The following MYT1L variants were observed in gnomAD, a reference collection of about 807,000 sequenced individuals.
The protein encoded by MYT1L is myelin transcription factor 1-like protein.
MYT1L carries 12 observed loss-of-function variants against 126.7 expected under a neutral mutation model. The observed-to-expected ratio is 0.09, with a 90% CI of 0.06 to 0.15. The LOEUF is 0.15. MYT1L is among the 10% of genes least tolerant of loss of function. MYT1L has a pLI of 1.00. For synonymous variants in MYT1L, 541 were observed against 604.2 expected (o/e 0.90, Z 1.53); for missense variants, 979 against 1,585.2 (o/e 0.62, Z 6.49).
At chr2:2,238,969 G>T (rs1281939518) in intron 2 of MYT1L, among the ~76,000 whole-genome samples, 3 of 152,218 alleles carry the variant, frequency 2.0e-5, no homozygotes, top group Non-Finnish European at 4.4e-5. Flanking sequence ...GTGAGAACTG[G>T]TTAAGTGTCA....
intron 2 of MYT1L, among the ~76,000 whole-genome samples, chr2:2,213,262 GA>G (rs1292583100): frequency 4.6e-5 from 7 of 152,176 alleles, no homozygotes; most frequent in African/African-American, 1.7e-4. Flanking sequence ...TGAGTTTCTG[GA>G]ATGTGTTGCC....
rs1007187288 is a variant in MYT1L at position 2,224,836 on chromosome 2, A to T, written c.-420-51848T>A. Among the ~76,000 whole-genome samples, 1 of 144,856 alleles carries T rather than the reference A, an allele frequency of 6.9e-6. No homozygotes were observed. ...TCCGTCTCAAAAGAAAAAAAAAAAA[A>T]GGAAAATAAATGTTTCAAATCCTTG... On this transcript the variant is annotated intron_variant, in intron 2 of 24. Transcript: ENST00000647738. The surrounding 1 kb of genome is among the most constrained non-coding windows in gnomAD (Gnocchi z 4.0).
chr2:2,176,608 C>T (rs1253507296), intron 2 of MYT1L, among the ~76,000 whole-genome samples: 1 of 151,854 alleles, frequency 6.6e-6, no homozygotes, highest in East Asian at 1.9e-4. Flanking sequence ...AAGTGATTCT[C>T]CTGCTTCAAC....
At chr2:2,125,010 T>C (rs1209403079) in intron 3 of MYT1L, among the ~76,000 whole-genome samples, 3 of 152,230 alleles carry the variant, frequency 2.0e-5, no homozygotes, top group Non-Finnish European at 4.4e-5. Flanking sequence ...CCTTTATCCA[T>C]AGTTAGTTGA....
intron 3 of MYT1L, among the ~76,000 whole-genome samples, chr2:2,154,320 C>T (rs1160404597): frequency 6.6e-6 from 1 of 152,116 alleles, no homozygotes; most frequent in East Asian, 1.9e-4. Context: ...AACTCAATAG[C>T]TAGGAAACTT....
intron 3 of MYT1L, among the ~76,000 whole-genome samples, chr2:2,118,080 T>C (rs1405678229): frequency 6.7e-6 from 1 of 149,710 alleles, no homozygotes; most frequent in Non-Finnish European, 1.5e-5. Context: ...TTCAATAACA[T>C]TTTTATATTA....
intron 3 of MYT1L, among the ~76,000 whole-genome samples, chr2:2,077,777 A>G (rs2075379369): frequency 6.6e-6 from 1 of 152,196 alleles, no homozygotes; most frequent in Non-Finnish European, 1.5e-5. Flanking sequence ...AAAAACAGAG[A>G]ATTTATTGCT....
At chr2:2,203,484 A>G (rs892308622) in intron 2 of MYT1L, among the ~76,000 whole-genome samples, 38 of 151,712 alleles carry the variant, frequency 2.5e-4, no homozygotes, top group African/African-American at 9.2e-4. Context: ...AAACAGAGCC[A>G]AATCATGAGT....
rs2053800979 is a variant in MYT1L, at chr2:1,923,282, A to C, written c.506-19T>G. ...TGGTCTTCTGCAAAGAAAATAAAAAAGACAAAAAAGAAAAGAAAAGGAAAA... is the reference window on the plus strand; with the variant it reads ...TGGTCTTCTGCAAAGAAAATAAAAACGACAAAAAAGAAAAGAAAAGGAAAA... On this transcript the variant is annotated intron_variant, in intron 9 of 24. Coordinates refer to ENST00000647738, the MANE Select transcript of MYT1L (RefSeq NM_001303052.2). The C allele has an allele frequency of 6.5e-7, 1 of 1,541,042 alleles. No individual in the cohort carries two copies.
At chr2:2,129,988 G>T (rs1413931238) in intron 3 of MYT1L, among the ~76,000 whole-genome samples, 1 of 151,682 alleles carries the variant, frequency 6.6e-6, no homozygotes, top group Non-Finnish European at 1.5e-5. Context: ...GACCAGATTT[G>T]ACTACATAAA....
rs1348666652 is a variant in MYT1L, at chr2:1,801,937, A to C, written c.3173-138T>G. ...ATAGACTCTTGAATTAGAAAGGAAA[A>C]AATCATCACAATCTCTGTGTCTTTC... On this transcript the variant is annotated intron_variant, in intron 22 of 24. Coordinates refer to ENST00000647738, the MANE Select transcript of MYT1L (RefSeq NM_001303052.2). The surrounding 1 kb of genome is among the most constrained non-coding windows in gnomAD (Gnocchi z 4.2). The C allele has an allele frequency of 6.8e-6, 4 of 584,346 alleles. No individual in the cohort carries two copies. The highest frequency in any genetic ancestry group is 3.4e-5 in the Admixed American group (1 of 29,754). 36.2% of individuals were successfully genotyped at this position (584,346 alleles called of 1,614,324 possible).
At chr2:1,872,418 G>A (rs1296127994) in intron 18 of MYT1L, among the ~76,000 whole-genome samples, 1 of 152,216 alleles carries the variant, frequency 6.6e-6, no homozygotes, top group Non-Finnish European at 1.5e-5. Context: ...AAGTGGTGAG[G>A]ACAGGGAGAA....
At chr2:1,945,432 A>G in intron 8 of MYT1L, among the ~76,000 whole-genome samples, 1 of 152,110 alleles carries the variant, frequency 6.6e-6, no homozygotes, top group Non-Finnish European at 1.5e-5. Context: ...CAGGAGGACC[A>G]AGGGCCGTGA....
intron 2 of MYT1L, among the ~76,000 whole-genome samples, chr2:2,255,754 T>C (rs2094792325): frequency 6.6e-6 from 1 of 152,148 alleles, no homozygotes; most frequent in African/African-American, 2.4e-5. Flanking sequence ...ATGACCATAT[T>C]AGACTGGCTG....
chr2:1,843,439 G>C (rs927363921), intron 19 of MYT1L, among the ~76,000 whole-genome samples: 2 of 151,864 alleles, frequency 1.3e-5, no homozygotes, highest in Non-Finnish European at 2.9e-5. Context: ...ATCCTACCCA[G>C]GGAGAATTAC....
At chr2:2,299,221 A>G (rs539672218) in intron 1 of MYT1L, among the ~76,000 whole-genome samples, 6 of 152,258 alleles carry the variant, frequency 3.9e-5, no homozygotes, top group Admixed American at 3.9e-4. Flanking sequence ...CTCTCCAGGG[A>G]CTTGGCACTA....
At chr2:1,818,095 A>T (rs1407396768) in intron 21 of MYT1L, among the ~76,000 whole-genome samples, 2 of 152,204 alleles carry the variant, frequency 1.3e-5, no homozygotes, top group Non-Finnish European at 2.9e-5. Context: ...GACATTTTTT[A>T]TCAGGACATC....
At chr2:1,933,434 A>T (rs1573708981) in intron 9 of MYT1L, among the ~76,000 whole-genome samples, 1 of 152,230 alleles carries the variant, frequency 6.6e-6, no homozygotes, top group Non-Finnish European at 1.5e-5. Flanking sequence ...CTTGGCTTCA[A>T]GTTGTTAATG....
chr2:2,269,281 G>T (rs1220345787), intron 2 of MYT1L, among the ~76,000 whole-genome samples: 2 of 152,192 alleles, frequency 1.3e-5, no homozygotes, highest in African/African-American at 2.4e-5. Context: ...AATTGTTACA[G>T]AAGCTTCTGT....
Sources: gnomAD v4.1 joint callset for allele counts (sites outside exome capture counted in the v4.1 genomes callset) on GRCh38, gnomAD v4.1.1 for gene constraint, Gnocchi (gnomAD v3.1) non-coding constraint, MANE v1.5 for transcripts, NCBI Gene and HGNC (gene_info 2026-07-23, HGNC 2026-07-21) for gene names.